The following RMDN2 variants were observed in gnomAD, a reference collection of about 807,000 sequenced individuals.
The protein encoded by RMDN2 is regulator of microtubule dynamics protein 2.
In RMDN2, 61 loss-of-function variants were observed where a neutral mutation model predicts 52.8. That is an observed-to-expected ratio of 1.16 (90% confidence interval 0.94 to 1.43). The LOEUF is 1.43. Ranked by LOEUF, RMDN2 falls within the 40% of genes most tolerant of loss-of-function variation. RMDN2 has a pLI of 0.00. For missense variants in RMDN2, 592 were observed against 475.3 expected (o/e 1.25, Z -2.28); for synonymous variants, 180 against 153.1 (o/e 1.18, Z -1.30).
chr2:37,931,648 G>A lies in RMDN2; in HGVS notation c.452+1919G>A, dbSNP rs571157202. On this transcript the variant is annotated intron_variant, in intron 2 of 10. Coordinates refer to ENST00000354545, the MANE Select transcript of RMDN2 (RefSeq NM_001170791.3). ...TAGAAAAAGAGGCAAACTTTGATAA[G>A]TTTAGGATTCATTTAGGACAAGTAA... is the stretch of plus-strand genomic sequence containing the variant. 4.6e-5 allele frequency among the ~76,000 whole-genome samples: 7 copies of A among 152,360 alleles called. No homozygotes were observed. The South Asian group carries it at 1.4e-3, about 32-fold the overall frequency.
rs559800282 is a variant in RMDN2, at chr2:38,065,633, G to C, written c.1714-1349G>C. On this transcript the variant is annotated intron_variant, in intron 10 of 10. Transcript: ENST00000234195. ...TCTGGCCAGTGCTCACGGGCTCTGAGAGACGGAAGGGTTCTGATGAGCCAC... is the reference window on the plus strand; with the variant it reads ...TCTGGCCAGTGCTCACGGGCTCTGACAGACGGAAGGGTTCTGATGAGCCAC... 1.3e-4 allele frequency among the ~76,000 whole-genome samples: 20 copies of C among 152,344 alleles called. No individual in the cohort carries two copies. The South Asian group carries it at 1.4e-3, about 11-fold the overall frequency.
chr2:37,950,002 A>T (rs1442054329), intron 2 of RMDN2: 3 of 172,452 alleles, frequency 1.7e-5, no homozygotes, highest in African/African-American at 7.2e-5. Flanking sequence ...GCCAAGGTGA[A>T]CGATGCTTGT....
rs544823809 is a variant in RMDN2 at position 38,031,304 on chromosome 2, C to T, written c.1713+27088C>T. Reference sequence around the variant, plus strand: ...TTGAGATGGGCTCTTGCCATGTTGCCCAGGCTGGAGTGCAGTGGCCATTCA... The same window carrying T: ...TTGAGATGGGCTCTTGCCATGTTGCTCAGGCTGGAGTGCAGTGGCCATTCA... On this transcript the variant is annotated intron_variant, in intron 10 of 10. Transcript: ENST00000234195. Among the ~76,000 whole-genome samples, 6 of 145,824 alleles carry T rather than the reference C, an allele frequency of 4.1e-5. No homozygotes were observed. In the South Asian group the frequency reaches 1.3e-3, roughly 32 times the overall value.
chr2:37,950,540 A>G (rs905425610), intron 2 of RMDN2: 1 of 1,613,140 alleles, frequency 6.2e-7, no homozygotes, highest in Non-Finnish European at 8.5e-7. Flanking sequence ...ATGACGGCCT[A>G]GAAGGGAAGG....
At chr2:38,011,083 G>A (rs1052263126) in intron 10 of RMDN2, among the ~76,000 whole-genome samples, 3 of 152,176 alleles carry the variant, frequency 2.0e-5, no homozygotes, top group South Asian at 4.1e-4. Context: ...GATTAACTAT[G>A]TAGGCAGCAA....
At chr2:38,064,480 A>T (rs974665626) in intron 10 of RMDN2, among the ~76,000 whole-genome samples, 7 of 151,204 alleles carry the variant, frequency 4.6e-5, no homozygotes, top group Admixed American at 1.3e-4. Context: ...ACAGAGCGAG[A>T]CTCCATCTCA....
chr2:38,009,375 A>G (rs1306585514), intron 10 of RMDN2, among the ~76,000 whole-genome samples: 1 of 152,168 alleles, frequency 6.6e-6, no homozygotes, highest in East Asian at 1.9e-4. Context: ...GTCTTTTCAC[A>G]TAGTCCCACA....
chr2:37,989,442 A>G, intron 5 of RMDN2, 99 bp from the exon 6 acceptor site: 1 of 754,044 alleles, frequency 1.3e-6, no homozygotes, highest in Non-Finnish European at 2.3e-6. Flanking sequence ...TTAAATATGA[A>G]TGAATGCTTT....
At chr2:37,945,192 A>G (rs1010266959) in intron 2 of RMDN2, among the ~76,000 whole-genome samples, 1 of 152,244 alleles carries the variant, frequency 6.6e-6, no homozygotes, top group South Asian at 2.1e-4. Context: ...TATTTTCCTA[A>G]TCAGTGTCCC....
At chr2:37,991,419 A>G (rs1291177798) in intron 7 of RMDN2, 122 bp downstream of exon 7, 1 of 363,876 alleles carries the variant, frequency 2.7e-6, no homozygotes, top group African/African-American at 2.1e-5. Flanking sequence ...TATAATAGCA[A>G]TAAAATTTTA....
In RMDN2 at chr2:38,004,226, G is replaced by C. The variant is rs376915301; in HGVS notation, c.1179+10G>C. On this transcript the variant is annotated intron_variant, in intron 10 of 10. Transcript: ENST00000354545. ...TACTGTTACCAAAGAGGTAAGTCCA[G>C]AAAGTGACAGTGAGTGCTGTTGTCT... is the stretch of plus-strand genomic sequence containing the variant. 1 of 1,595,062 alleles carries C rather than the reference G, an allele frequency of 6.3e-7. No individual in the cohort carries two copies. The highest frequency in any genetic ancestry group is 1.3e-5 in the African/African-American group (1 of 74,688).
intron 2 of RMDN2, among the ~76,000 whole-genome samples, chr2:37,958,277 G>A (rs1043563454): frequency 9.2e-5 from 14 of 152,320 alleles, no homozygotes; most frequent in Admixed American, 7.2e-4. Context: ...GTATCCATGA[G>A]TGTGGAGTGT....
chr2:37,945,622 C>A (rs978566497), intron 2 of RMDN2, among the ~76,000 whole-genome samples: 72 of 152,010 alleles, frequency 4.7e-4, no homozygotes, highest in African/African-American at 1.7e-3. Flanking sequence ...AGAAAAAGAC[C>A]CCAGTTCTGT....
At chr2:37,989,357 A>G (rs1400945814) in intron 5 of RMDN2, among the ~76,000 whole-genome samples, 184 bp from the exon 6 acceptor site, 1 of 152,146 alleles carries the variant, frequency 6.6e-6, no homozygotes, top group African/African-American at 2.4e-5. Flanking sequence ...CCAGTTATAG[A>G]TGAGAAAACT....
chr2:37,964,481 A>T (rs540470783), intron 2 of RMDN2, among the ~76,000 whole-genome samples: 1 of 152,312 alleles, frequency 6.6e-6, no homozygotes, highest in East Asian at 1.9e-4. Flanking sequence ...TCACATATTT[A>T]TGGATTTTCC....
At position 38,004,015 on chromosome 2, in the gene RMDN2, T is replaced by C; in HGVS notation, c.1069T>C (p.Ser357Pro). 6.2e-7 allele frequency: 1 copy of C among 1,613,408 alleles called. No homozygotes were observed. Among genetic ancestry groups the C allele is most frequent in the Non-Finnish European group, 8.5e-7 (1 of 1,179,462 alleles). ...LKAEELCPGY[S>P]NPNYMYLAKC... ...GGCTGAAGAACTATGCCCTGGTTAT[T>C]CTAATCCCAATTACATGTACTTAGC... is the stretch of plus-strand genomic sequence containing the variant. The change falls in exon 9 of 11, where the codon TCT (serine) becomes CCT (proline). Residue 357 changes from serine (S) to proline (P), a missense_variant. Physicochemically the swap from Ser to Pro is moderately conservative, Grantham distance 74 (BLOSUM62 -1). Transcript: ENST00000354545.
At chr2:38,062,773 C>CT (rs1194577623) in intron 10 of RMDN2, among the ~76,000 whole-genome samples, 5 of 115,428 alleles carry the variant, frequency 4.3e-5, no homozygotes, top group South Asian at 4.0e-4. Context: ...CCCCCTTCCC[C>CT]CCCCCCACAA....
At chr2:37,938,364 G>A (rs1180339703) in intron 2 of RMDN2, among the ~76,000 whole-genome samples, 46 of 152,094 alleles carry the variant, frequency 3.0e-4, no homozygotes, top group Non-Finnish European at 1.5e-5. Context: ...TTCTTTTTTT[G>A]TTGTGTCTCT....
At chr2:38,026,270 C>G (rs1679775720) in intron 10 of RMDN2, among the ~76,000 whole-genome samples, 1 of 151,938 alleles carries the variant, frequency 6.6e-6, no homozygotes, top group Non-Finnish European at 1.5e-5. Flanking sequence ...TTCCCTTATT[C>G]TTTTATTATC....
Sources: allele counts gnomAD v4.1 joint callset (sites outside exome capture counted in the v4.1 genomes callset), GRCh38; gene constraint gnomAD v4.1.1; transcripts MANE v1.5; gene names NCBI Gene and HGNC (gene_info 2026-07-23, HGNC 2026-07-21).